SLC3A1: variants seen among roughly 807,000 people sequenced by gnomAD.
SLC3A1 encodes the protein amino acid transporter heavy chain SLC3A1.
SLC3A1 carries 78 observed loss-of-function variants against 60.3 expected under a neutral mutation model. The ratio of observed to expected loss-of-function variants is 1.29; its 90% confidence interval spans 1.08 to 1.56. The LOEUF (loss-of-function observed/expected upper bound fraction) is 1.56, where lower values mean the gene tolerates loss of function less well. Ranked by LOEUF, SLC3A1 falls within the 40% of genes most tolerant of loss-of-function variation. The probability of loss-of-function intolerance (pLI) is 0.00; values close to 1 mark genes in which losing one functional copy is unlikely to be tolerated. For missense variants in SLC3A1, 1,172 were observed against 858.9 expected, an observed-to-expected ratio of 1.36 and a Z score of -4.56; for synonymous variants, 392 against 307.9, an observed-to-expected ratio of 1.27 and a Z score of -2.86.
At chr2:44,293,498 C>G (rs1025243226) in intron 4 of SLC3A1, among the ~76,000 whole-genome samples, 1 of 145,638 alleles carries the variant, frequency 6.9e-6, no homozygotes, top group Admixed American at 7.0e-5. Flanking sequence ...GCCTGGGCAA[C>G]AGAGCAAGAC....
intron 3 of SLC3A1, 180 bp from the exon 4 acceptor site, chr2:44,285,852 G>A: frequency 1.3e-6 from 1 of 761,446 alleles, no homozygotes; most frequent in South Asian, 1.5e-5. Context: ...TGTTTGTGAG[G>A]CATTAGGCCA....
intron 9 of SLC3A1, chr2:44,314,234 T>C: frequency 5.4e-6 from 4 of 734,788 alleles, no homozygotes; most frequent in East Asian, 2.7e-5. Flanking sequence ...GGAAATTTTA[T>C]GAAGTTTTTT....
chr2:44,286,233 A>G (rs948752775), intron 4 of SLC3A1, 76 bp downstream of exon 4: 13 of 1,420,592 alleles, frequency 9.2e-6, no homozygotes, highest in African/African-American at 2.8e-5. Flanking sequence ...TATATTGCAC[A>G]GTAATTGTGT....
chr2:44,286,450 T>C (rs570702777), intron 4 of SLC3A1, among the ~76,000 whole-genome samples: 2 of 152,316 alleles, frequency 1.3e-5, no homozygotes, highest in Admixed American at 1.3e-4. Context: ...CAGAAACACC[T>C]GCCACCCTAG....
intron 4 of SLC3A1, among the ~76,000 whole-genome samples, chr2:44,295,931 C>G (rs1671837664): frequency 6.6e-6 from 1 of 152,102 alleles, no homozygotes; most frequent in Non-Finnish European, 1.5e-5. Flanking sequence ...GGGTCTGAAG[C>G]TGATAGTAAA....
At chr2:44,318,173 C>T (rs1213000911) in intron 9 of SLC3A1, 1 of 433,678 alleles carries the variant, frequency 2.3e-6, no homozygotes, top group South Asian at 1.6e-5. Context: ...ACACTGCAGC[C>T]TCTGCTTCCT....
chr2:44,310,662 A>T (rs915201873), intron 7 of SLC3A1, among the ~76,000 whole-genome samples: 5 of 152,134 alleles, frequency 3.3e-5, no homozygotes, highest in African/African-American at 7.2e-5. Flanking sequence ...CACAATTTTT[A>T]AAAAAATCAA....
intron 7 of SLC3A1, among the ~76,000 whole-genome samples, chr2:44,305,141 T>C (rs1672121071): frequency 6.6e-6 from 1 of 152,106 alleles, no homozygotes; most frequent in Non-Finnish European, 1.5e-5. Context: ...AGCACTAACA[T>C]TTTTCAAGAC....
At chr2:44,316,396 T>C (rs986758244) in intron 9 of SLC3A1, 2 of 152,076 alleles carry the variant, frequency 1.3e-5, no homozygotes, top group Non-Finnish European at 2.9e-5. Context: ...AGAACATAAG[T>C]GCTAATTAGT....
chr2:44,313,870 C>T lies in SLC3A1; in HGVS notation c.1536C>T (p.Asp512=). 6.2e-7 allele frequency: 1 copy of T among 1,613,992 alleles called. No individual in the cohort carries two copies. The highest frequency in any genetic ancestry group is 8.5e-7 in the Non-Finnish European group (1 of 1,179,924). The change falls in exon 9 of 10, where the codon GAC becomes GAT. Residue 512 remains aspartate, a synonymous_variant. Coordinates refer to ENST00000260649, the MANE Select transcript of SLC3A1 (RefSeq NM_000341.4). ...GCTCAAAGTCACCAATGCAGTGGGA[C>T]AATAGTTCAAATGCTGGTTTTTCTG... ...TLRSKSPMQW[D]NSSNAGFSEA... is the part of the protein sequence containing the mutation.
chr2:44,298,336 C>G (rs150454942), intron 4 of SLC3A1, among the ~76,000 whole-genome samples: 2 of 152,154 alleles, frequency 1.3e-5, no homozygotes, highest in Non-Finnish European at 2.9e-5. Flanking sequence ...CCTACTCTTA[C>G]TTATGCTCCT....
chr2:44,304,257 C>T lies in SLC3A1; in HGVS notation c.1251C>T (p.Asp417=), dbSNP rs1421693807. The T allele has an allele frequency of 1.9e-6, 3 of 1,614,130 alleles. No individual in the cohort carries two copies. The highest frequency in any genetic ancestry group is 2.2e-5 in the South Asian group (2 of 91,086). Residue 417 remains aspartate, a synonymous_variant, in exon 7 of 10, where the codon GAC becomes GAT. Transcript: ENST00000260649. Reference sequence around the variant, plus strand: ...TCAACAATTACCTCAGCATGCTAGACACTGTTTCTGGGAACAGCGTGTATG... The same window carrying T: ...TCAACAATTACCTCAGCATGCTAGATACTGTTTCTGGGAACAGCGTGTATG... The part of the protein sequence containing the change: ...FPFNNYLSML[D]TVSGNSVYEV...
intron 3 of SLC3A1, among the ~76,000 whole-genome samples, chr2:44,282,452 A>T (rs1056889970): frequency 2.0e-5 from 3 of 152,002 alleles, no homozygotes; most frequent in African/African-American, 7.2e-5. Flanking sequence ...AGAAAACAGA[A>T]GCCATCAAGC....
chr2:44,303,245 ATTT>A (rs113167902), intron 6 of SLC3A1, among the ~76,000 whole-genome samples: 2 of 136,574 alleles, frequency 1.5e-5, no homozygotes, highest in East Asian at 2.1e-4. Context: ...CTGAGATCCA[ATTT>A]TTTTTTTTTT....
intron 6 of SLC3A1, among the ~76,000 whole-genome samples, chr2:44,301,932 G>C (rs1325756799): frequency 1.3e-5 from 2 of 152,040 alleles, no homozygotes; most frequent in Non-Finnish European, 2.9e-5. Flanking sequence ...GCACATGCCT[G>C]TAATACCAGC....
intron 4 of SLC3A1, among the ~76,000 whole-genome samples, chr2:44,294,018 C>T (rs1209059889): frequency 6.6e-6 from 1 of 152,110 alleles, no homozygotes; most frequent in Non-Finnish European, 1.5e-5. Flanking sequence ...TAAATAAATA[C>T]TATTGTGAAG....
chr2:44,299,636 T>C (rs1352413116), intron 4 of SLC3A1, among the ~76,000 whole-genome samples: 1 of 152,202 alleles, frequency 6.6e-6, no homozygotes, highest in Non-Finnish European at 1.5e-5. Flanking sequence ...TTTCCTAGTT[T>C]ATTCTGAGTC....
chr2:44,304,427 A>T, intron 7 of SLC3A1, 89 bp downstream of exon 7: 1 of 995,432 alleles, frequency 1.0e-6, no homozygotes. Flanking sequence ...CTTTGTCTCT[A>T]AGTGACCATC....
At chr2:44,315,518 AG>A (rs1165233634) in intron 9 of SLC3A1, among the ~76,000 whole-genome samples, 6 of 133,444 alleles carry the variant, frequency 4.5e-5, no homozygotes, top group Admixed American at 4.5e-4. Flanking sequence ...AAAAAAAAAA[AG>A]GGAAATTAGC....
Sources: allele counts gnomAD v4.1 joint callset (sites outside exome capture counted in the v4.1 genomes callset), GRCh38; gene constraint gnomAD v4.1.1; transcripts MANE v1.5; gene names NCBI Gene and HGNC (gene_info 2026-07-23, HGNC 2026-07-21).